Variants in DLG2 observed in about 807,000 individuals in gnomAD.
The protein encoded by DLG2 is discs large MAGUK scaffold protein 2.
Under a neutral mutation model 132.5 loss-of-function variants are expected in DLG2, and 45 were observed. The observed-to-expected ratio is 0.34, with a 90% CI of 0.27 to 0.44. DLG2 has a LOEUF of 0.44. Among genes scored for constraint, DLG2 ranks in the 20% least tolerant of loss-of-function variants. DLG2 has a pLI of 1.00. For missense variants in DLG2, 1,045 were observed against 1,196.9 expected (o/e 0.87, Z 1.87); for synonymous variants, 424 against 419.6 (o/e 1.01, Z -0.13).
intron 18 of DLG2, among the ~76,000 whole-genome samples, chr11:83,649,332 G>T (rs1293427603): frequency 6.6e-6 from 1 of 152,064 alleles, no homozygotes; most frequent in Non-Finnish European, 1.5e-5. Flanking sequence ...CCCAGCTCCT[G>T]TTCCCTCCTG....
At chr11:84,637,344 C>A (rs2099642492) in intron 6 of DLG2, among the ~76,000 whole-genome samples, 1 of 152,182 alleles carries the variant, frequency 6.6e-6, no homozygotes, top group African/African-American at 2.4e-5. Context: ...TCTATCACAG[C>A]ATTGTTTATA....
rs571240637 is a variant in DLG2, at chr11:84,418,934, C to T, written c.519+115636G>A. Among the ~76,000 whole-genome samples the T allele has an allele frequency of 4.6e-5, 7 of 152,220 alleles. No homozygotes were observed. The East Asian group carries it at 1.2e-3, about 25-fold the overall frequency. On this transcript the variant is annotated intron_variant, in intron 7 of 27. Transcript: ENST00000376104. ...TTTTTAGACTGGAATGATGTATTCC[C>T]TCTTTAGTATATGCAAAACTTTTGG...
chr11:84,536,573 C>T (rs191151655), intron 6 of DLG2, among the ~76,000 whole-genome samples: 17 of 152,304 alleles, frequency 1.1e-4, no homozygotes, highest in South Asian at 4.1e-4. Context: ...TGATCAGTTA[C>T]GCCCATTATG....
intron 19 of DLG2, among the ~76,000 whole-genome samples, chr11:83,627,716 T>A (rs2062838597): frequency 6.6e-6 from 1 of 152,224 alleles, no homozygotes; most frequent in Admixed American, 6.5e-5. Flanking sequence ...TATAATCCTT[T>A]GGGTATATAC....
chr11:84,590,189 T>C (rs1379948343), intron 6 of DLG2, among the ~76,000 whole-genome samples: 1 of 152,162 alleles, frequency 6.6e-6, no homozygotes, highest in Non-Finnish European at 1.5e-5. Flanking sequence ...AAATAGTAAT[T>C]AGTGTGTAAT....
At chr11:84,341,022 G>A (rs895064490) in intron 7 of DLG2, among the ~76,000 whole-genome samples, 2 of 152,122 alleles carry the variant, frequency 1.3e-5, no homozygotes, top group African/African-American at 2.4e-5. Flanking sequence ...TTAAGGCTAA[G>A]GGAAATCCAA....
chr11:84,708,673 C>T (rs1371818545), intron 6 of DLG2, among the ~76,000 whole-genome samples: 1 of 151,866 alleles, frequency 6.6e-6, no homozygotes, highest in Admixed American at 6.6e-5. Context: ...ACTCATACTG[C>T]TGTAGCTAGG....
At chr11:85,337,706 C>T (rs553423087) in intron 3 of DLG2, among the ~76,000 whole-genome samples, 2 of 152,290 alleles carry the variant, frequency 1.3e-5, no homozygotes, top group East Asian at 1.9e-4. Flanking sequence ...ATAAGTCCTT[C>T]CTGGTGCTCT....
At chr11:84,454,577 T>C (rs2099060409) in intron 7 of DLG2, among the ~76,000 whole-genome samples, 1 of 151,468 alleles carries the variant, frequency 6.6e-6, no homozygotes, top group Non-Finnish European at 1.5e-5. Context: ...ATCCCAAAAC[T>C]GGAATAAAAA....
chr11:84,323,000 T>A (rs2098412982), intron 7 of DLG2, among the ~76,000 whole-genome samples: 1 of 152,152 alleles, frequency 6.6e-6, no homozygotes, highest in Admixed American at 6.5e-5. Context: ...TTAAACAGAA[T>A]TATTATCCAT....
intron 6 of DLG2, among the ~76,000 whole-genome samples, chr11:84,564,177 G>A (rs796197456): frequency 2.6e-5 from 4 of 152,300 alleles, no homozygotes; most frequent in African/African-American, 9.6e-5. Flanking sequence ...ATAACAGGTG[G>A]TTGCAAAGGC....
intron 6 of DLG2, among the ~76,000 whole-genome samples, chr11:84,834,421 C>T (rs1202532162): frequency 6.6e-6 from 1 of 151,576 alleles, no homozygotes; most frequent in Non-Finnish European, 1.5e-5. Context: ...CTATCCTCTT[C>T]CCTAATGTTA....
intron 8 of DLG2, among the ~76,000 whole-genome samples, chr11:84,172,448 G>C (rs1292649836): frequency 6.6e-6 from 1 of 151,922 alleles, no homozygotes; most frequent in African/African-American, 2.4e-5. Flanking sequence ...AAACTTCCGA[G>C]CTCAGCGAAT....
At chr11:83,785,819 A>G (rs1470514741) in intron 18 of DLG2, among the ~76,000 whole-genome samples, 1 of 152,200 alleles carries the variant, frequency 6.6e-6, no homozygotes, top group Non-Finnish European at 1.5e-5. Context: ...CTCTTCCTTG[A>G]TGACATCTTA....
At chr11:85,408,886 A>G (rs1376170183) in intron 3 of DLG2, among the ~76,000 whole-genome samples, 2 of 151,812 alleles carry the variant, frequency 1.3e-5, no homozygotes, top group East Asian at 3.9e-4. Context: ...TAGCAGCATG[A>G]TTTATAGTCC....
intron 6 of DLG2, among the ~76,000 whole-genome samples, chr11:85,023,707 T>G (rs2060275538): frequency 6.6e-6 from 1 of 152,070 alleles, no homozygotes; most frequent in Non-Finnish European, 1.5e-5. Context: ...CGATAACTAT[T>G]CTAAATAGGA....
chr11:84,784,366 A>AAATAAATTAATTAATT (rs1555220726), intron 6 of DLG2, among the ~76,000 whole-genome samples: 38 of 147,476 alleles, frequency 2.6e-4, no homozygotes, highest in Admixed American at 2.0e-3. Context: ...ATAAATAAAT[A>AAATAAATTAATTAATT]AATTAAACAA....
At chr11:84,059,183 C>A in intron 11 of DLG2, 132 bp downstream of exon 11, 1 of 810,564 alleles carries the variant, frequency 1.2e-6, no homozygotes, top group Non-Finnish European at 1.9e-6. Context: ...GTAACCACTA[C>A]TGTAGGATTT....
chr11:84,733,120 T>C (rs1328460585), intron 6 of DLG2, among the ~76,000 whole-genome samples: 5 of 152,208 alleles, frequency 3.3e-5, no homozygotes, highest in Non-Finnish European at 7.3e-5. Flanking sequence ...TGTGTCTTTA[T>C]AGCAGCATGA....
Sources: allele counts gnomAD v4.1 joint callset (sites outside exome capture counted in the v4.1 genomes callset), GRCh38; gene constraint gnomAD v4.1.1; transcripts MANE v1.5; gene names NCBI Gene and HGNC (gene_info 2026-07-23, HGNC 2026-07-21).